The following COL14A1 variants were observed in gnomAD, a reference collection of about 807,000 sequenced individuals.
COL14A1 encodes collagen type XIV alpha 1 chain.
COL14A1 carries 136 observed loss-of-function variants against 230.3 expected under a neutral mutation model. The observed-to-expected ratio is 0.59, with a 90% CI of 0.51 to 0.68. The LOEUF (loss-of-function observed/expected upper bound fraction) is 0.68, where lower values mean the gene tolerates loss of function less well. COL14A1 is among the 30% of genes least tolerant of loss of function. COL14A1 has a pLI of 0.00. For synonymous variants in COL14A1, 792 were observed against 784.1 expected (o/e 1.01, Z -0.17); for missense variants, 1,976 against 2,215.8 (o/e 0.89, Z 2.17).
chr8:120,209,925 G>T (rs1586768678), intron 12 of COL14A1, 24 bp downstream of exon 12: 2 of 1,455,642 alleles, frequency 1.4e-6, no homozygotes, highest in African/African-American at 2.9e-5. Flanking sequence ...ACCTATTACA[G>T]TCCTAGAATC....
rs910611122 is a variant in COL14A1, at chr8:120,301,788, T to A, written c.4401+970T>A. ...CTTTGAGGAATCACCACACTGCTTT[T>A]CACAATGGTTGAACTAATTTACACT... is the stretch of plus-strand genomic sequence containing the variant. On this transcript the variant is annotated intron_variant, in intron 36 of 47. Coordinates refer to ENST00000297848, the MANE Select transcript of COL14A1 (RefSeq NM_021110.4). Among the ~76,000 whole-genome samples, 12 of 152,120 alleles carry A rather than the reference T, an allele frequency of 7.9e-5. 1 individual carries two copies. Among genetic ancestry groups the A allele is most frequent in the Admixed American group, 3.3e-4 (5 of 15,262 alleles).
intron 45 of COL14A1, among the ~76,000 whole-genome samples, chr8:120,362,460 C>T (rs1346888806): frequency 6.6e-6 from 1 of 152,118 alleles, no homozygotes; most frequent in African/African-American, 2.4e-5. Flanking sequence ...ACAGATATTT[C>T]TTGAGTGCTT....
chr8:120,174,184 G>A (rs12543951), intron 5 of COL14A1, among the ~76,000 whole-genome samples: 51,458 of 151,316 alleles, frequency 0.34, 9,542 homozygotes, highest in Admixed American at 0.48. Context: ...TCCTTTGTAT[G>A]TTTTCTTTTT....
chr8:120,345,629 G>A (rs1822483593), intron 45 of COL14A1, 66 bp downstream of exon 45: 1 of 1,301,624 alleles, frequency 7.7e-7, no homozygotes, highest in African/African-American at 1.5e-5. Context: ...GAACATTATA[G>A]TGGTTCTTAT....
rs1316632101 is a variant in COL14A1, at chr8:120,280,057, G to C, written c.3604G>C (p.Glu1202Gln). Reference protein sequence around the residue: ...VDDFDAFKKIEDELITFVCET... With the variant: ...VDDFDAFKKIQDELITFVCET... Reference sequence around the variant, plus strand: ...TGACTTTGACGCCTTTAAGAAAATCGAAGATGAGTTAATTACTTTTGTCTG... The same window carrying C: ...TGACTTTGACGCCTTTAAGAAAATCCAAGATGAGTTAATTACTTTTGTCTG... The change falls in exon 29 of 48, where the codon GAA becomes CAA. Residue 1202 changes from glutamate to glutamine, a missense_variant. Physicochemically the swap from Glu to Gln is conservative, Grantham distance 29. This residue lies in a region of COL14A1 where 1,791 missense variants were observed against 2,019.5 expected (regional missense o/e 0.89). Coordinates refer to ENST00000297848, the MANE Select transcript of COL14A1 (RefSeq NM_021110.4). 6.2e-7 allele frequency: 1 copy of C among 1,613,642 alleles called. No homozygotes were observed. The highest frequency in any genetic ancestry group is 8.5e-7 in the Non-Finnish European group (1 of 1,179,786).
In COL14A1 at chr8:120,212,583, C is replaced by T. The variant is rs540113235; in HGVS notation, c.1597+6C>T. The stretch of plus-strand genomic sequence containing the variant: ...TACGGGACAAGAAACAACATGTGAG[C>T]AGCACAGCCATTCAGTTGGGATGCT... On this transcript the variant is annotated splice_donor_region_variant and intron_variant, in intron 13 of 47. Transcript: ENST00000297848. 2.5e-6 allele frequency: 4 copies of T among 1,612,822 alleles called. No individual in the cohort carries two copies. Among genetic ancestry groups the T allele is most frequent in the African/African-American group, 1.3e-5 (1 of 74,856 alleles).
At chr8:120,341,873 G>A (rs1454444683) in intron 43 of COL14A1, among the ~76,000 whole-genome samples, 2 of 152,076 alleles carry the variant, frequency 1.3e-5, no homozygotes, top group Admixed American at 1.3e-4. Context: ...TTCAGCAATT[G>A]TGCAGCTGCT....
rs368981414 is a variant in COL14A1, at chr8:120,260,406, A to G, written c.2870-2462A>G. ...TAAAATTTTTGCATTTTACAGTTGA[A>G]AAAGCAACTGGTATGCTTTTATATA... is the stretch of plus-strand genomic sequence containing the variant. On this transcript the variant is annotated intron_variant, in intron 23 of 47. Transcript: ENST00000297848. Among the ~76,000 whole-genome samples the G allele has an allele frequency of 1.0e-3, 154 of 152,272 alleles. 5 individuals carry two copies. In the South Asian group the frequency reaches 0.021, roughly 21 times the overall value.
chr8:120,217,310 C>T (rs1817784303), intron 14 of COL14A1, among the ~76,000 whole-genome samples: 1 of 152,050 alleles, frequency 6.6e-6, no homozygotes, highest in African/African-American at 2.4e-5. Flanking sequence ...TTGTTAAAAC[C>T]CATGAAGATA....
chr8:120,154,225 AAAG>A lies in COL14A1; in HGVS notation c.89-3901_89-3899del, dbSNP rs770220479. On this transcript the variant is annotated intron_variant, in intron 2 of 47. Transcript: ENST00000297848. Reference sequence around the variant, plus strand: ...AAATTCAGATGAGAAGAAAGGAAGGAAAGAAGGAGGGAAGAAAGGGACAGCCAA... The same window carrying A: ...AAATTCAGATGAGAAGAAAGGAAGGAAAGGAGGGAAGAAAGGGACAGCCAA... Among the ~76,000 whole-genome samples the A allele has an allele frequency of 1.2e-3, 188 of 152,324 alleles. 1 individual carries two copies. The highest frequency in any genetic ancestry group is 1.6e-3 in the Non-Finnish European group (110 of 68,030).
intron 1 of COL14A1, among the ~76,000 whole-genome samples, chr8:120,138,544 C>T (rs149733906): frequency 7.2e-5 from 11 of 152,252 alleles, no homozygotes; most frequent in African/African-American, 2.6e-4. Context: ...TGGGGAGTTC[C>T]TTCAGAGAGA....
intron 44 of COL14A1, 43 bp downstream of exon 44, chr8:120,342,489 T>G: frequency 1.9e-6 from 3 of 1,580,734 alleles, no homozygotes; most frequent in Non-Finnish European, 1.7e-6. Flanking sequence ...CATAACAAAC[T>G]CTCATCCAAA....
intron 44 of COL14A1, 88 bp from the exon 45 acceptor site, chr8:120,345,287 G>A (rs1822462275): frequency 2.5e-6 from 3 of 1,222,160 alleles, no homozygotes; most frequent in Non-Finnish European, 3.4e-6. Context: ...TAACAGAATT[G>A]TTTGCAGCCT....
In COL14A1 at chr8:120,243,683, TGATTATA is replaced by T. The variant is rs151146089; in HGVS notation, c.2350-195_2350-189del. Among the ~76,000 whole-genome samples, 14,014 of 152,162 alleles carry T rather than the reference TGATTATA, an allele frequency of 0.092. 1,230 individuals are homozygous for T. Among genetic ancestry groups the T allele is most frequent in the East Asian group, 0.4 (2,053 of 5,142 alleles). On this transcript the variant is annotated intron_variant, in intron 19 of 47. Transcript: ENST00000297848. ...GTCAAATTTAAACCTTCTGTATTAG[TGATTATA>T]AACTAAGGGTTACTGTGATGGGAAT...
chr8:120,248,810 A>G (rs1245737868), intron 21 of COL14A1, among the ~76,000 whole-genome samples: 1 of 151,838 alleles, frequency 6.6e-6, no homozygotes, highest in African/African-American at 2.4e-5. Context: ...AGCTGTGATC[A>G]CACCACTGCA....
intron 37 of COL14A1, 142 bp downstream of exon 37, chr8:120,310,204 T>G: frequency 1.4e-6 from 1 of 705,594 alleles, no homozygotes; most frequent in South Asian, 2.8e-5. Flanking sequence ...TGCCTAACCC[T>G]TCTTCCTTAT....
intron 40 of COL14A1, among the ~76,000 whole-genome samples, chr8:120,326,815 C>T (rs996264733): frequency 7.9e-5 from 12 of 152,176 alleles, no homozygotes; most frequent in South Asian, 4.1e-4. Context: ...TACTTGAGTT[C>T]GGGAGTTTGA....
chr8:120,270,314 G>T, intron 26 of COL14A1, 140 bp downstream of exon 26: 1 of 886,610 alleles, frequency 1.1e-6, no homozygotes, highest in Non-Finnish European at 1.6e-6. Flanking sequence ...AGACAGGTAT[G>T]TGTTTGGAAG....
chr8:120,270,173 A>C lies in COL14A1; in HGVS notation c.3212A>C (p.Gln1071Pro). ...ALNKIGTDGT[Q>P]VAMVQFTDDP... ...AACAAGATTGGCACAGATGGAACCC[A>C]AGTAAGGCTAATAAATAATTAATTC... Residue 1071 changes from glutamine to proline, a missense_variant and splice_region_variant, in exon 26 of 48, where the codon CAA (glutamine) becomes CCA (proline). Gln to Pro is a moderately conservative substitution (Grantham distance 76). This residue lies in a region of COL14A1 where 1,791 missense variants were observed against 2,019.5 expected (regional missense o/e 0.89). Coordinates refer to ENST00000297848, the MANE Select transcript of COL14A1 (RefSeq NM_021110.4). 1 of 1,608,182 alleles carries C rather than the reference A, an allele frequency of 6.2e-7. No individual in the cohort carries two copies. The highest frequency in any genetic ancestry group is 8.5e-7 in the Non-Finnish European group (1 of 1,177,046).
Sources: allele counts gnomAD v4.1 joint callset (sites outside exome capture counted in the v4.1 genomes callset), GRCh38; gene constraint gnomAD v4.1.1; regional missense constraint gnomAD v4.1.1; transcripts MANE v1.5; gene names NCBI Gene and HGNC (gene_info 2026-07-23, HGNC 2026-07-21).